The following VTI1A variants were observed in gnomAD, a reference collection of about 807,000 sequenced individuals.
VTI1A encodes the protein vesicle transport through interaction with t-SNAREs 1A.
In VTI1A, 22 loss-of-function variants were observed where a neutral mutation model predicts 34.9. The ratio of observed to expected loss-of-function variants is 0.63; its 90% CI spans 0.45 to 0.90. The LOEUF is 0.90. VTI1A is among the 40% of genes least tolerant of loss of function. The pLI, the probability that VTI1A is intolerant of heterozygous loss-of-function variation, is 0.00. For missense variants in VTI1A, 268 were observed against 275.6 expected, an observed-to-expected ratio of 0.97 and a Z score of 0.20; for synonymous variants, 87 against 97.3, an observed-to-expected ratio of 0.89 and a Z score of 0.62.
At chr10:112,596,018 T>C (rs1844623643) in intron 5 of VTI1A, among the ~76,000 whole-genome samples, 2 of 152,058 alleles carry the variant, frequency 1.3e-5, no homozygotes, top group African/African-American at 4.8e-5. Flanking sequence ...TGTAGGGACA[T>C]GGATGAAATT....
In VTI1A at chr10:112,452,088, C is replaced by T. The variant is rs146605500; in HGVS notation, c.94+4621C>T. Reference sequence around the variant, plus strand: ...ATATTTCTGTTGCTCTAGAGGGTTACAGTTGAAGGGATGGTTCCAGTCCTG... The same window carrying T: ...ATATTTCTGTTGCTCTAGAGGGTTATAGTTGAAGGGATGGTTCCAGTCCTG... On this transcript the variant is annotated intron_variant, in intron 1 of 7. Coordinates refer to ENST00000393077, the MANE Select transcript of VTI1A (RefSeq NM_145206.4). Among the ~76,000 whole-genome samples, 277 of 152,202 alleles carry T rather than the reference C, an allele frequency of 1.8e-3. 2 individuals carry two copies. The highest frequency in any genetic ancestry group is 6.1e-3 in the African/African-American group (252 of 41,514).
chr10:112,573,610 TG>T (rs1224308426), intron 5 of VTI1A, among the ~76,000 whole-genome samples: 1 of 152,238 alleles, frequency 6.6e-6, no homozygotes, highest in Non-Finnish European at 1.5e-5. Context: ...CAAATTTTAT[TG>T]CCAATTCCAC....
intron 5 of VTI1A, among the ~76,000 whole-genome samples, chr10:112,654,413 T>C (rs1162839279): frequency 6.6e-6 from 1 of 152,214 alleles, no homozygotes; most frequent in African/African-American, 2.4e-5. Context: ...ATCTCAAATT[T>C]AGAAATAATA....
At chr10:112,803,477 G>A (rs1004379791) in intron 7 of VTI1A, among the ~76,000 whole-genome samples, 2 of 152,368 alleles carry the variant, frequency 1.3e-5, no homozygotes, top group Admixed American at 1.3e-4. Context: ...GGCAGTGGCC[G>A]CTTGAATGAG....
intron 5 of VTI1A, among the ~76,000 whole-genome samples, chr10:112,605,336 A>G (rs935642723): frequency 2.0e-5 from 3 of 152,202 alleles, no homozygotes; most frequent in African/African-American, 7.2e-5. Context: ...AGAGGGAAAG[A>G]AATTTACAGA....
At chr10:112,834,075 A>G in the VTI1A span, among the ~76,000 whole-genome samples, 8 of 152,178 alleles carry the variant, frequency 5.3e-5, no homozygotes, top group African/African-American at 1.7e-4. Flanking sequence ...CAAGTTGGTC[A>G]TGATAACATT....
At chr10:112,641,119 C>T (rs993276608) in intron 5 of VTI1A, among the ~76,000 whole-genome samples, 2 of 150,802 alleles carry the variant, frequency 1.3e-5, no homozygotes, top group Non-Finnish European at 3.0e-5. Context: ...AGTTGGGGGG[C>T]AGATAGCAAA....
chr10:112,564,505 C>T (rs1336981344), intron 5 of VTI1A, among the ~76,000 whole-genome samples: 1 of 151,494 alleles, frequency 6.6e-6, no homozygotes, highest in African/African-American at 2.4e-5. Context: ...GTCACTGAAA[C>T]AGTTTTTCTG....
chr10:112,670,887 T>C lies in VTI1A; in HGVS notation c.560+1889T>C, dbSNP rs553909352. ...CCAAGGGTATGCTTAAGTCCACCTG[T>C]TCATATGCATGACAATGTTTTTCAC... On this transcript the variant is annotated intron_variant, in intron 7 of 7. Transcript: ENST00000393077. Among the ~76,000 whole-genome samples the C allele has an allele frequency of 2.6e-5, 4 of 152,334 alleles. No individual in the cohort carries two copies. In the South Asian group the frequency reaches 8.3e-4, roughly 32 times the overall value.
intron 3 of VTI1A, among the ~76,000 whole-genome samples, chr10:112,479,782 C>G (rs1848403891): frequency 6.6e-6 from 1 of 152,238 alleles, no homozygotes; most frequent in Non-Finnish European, 1.5e-5. Context: ...CCACTCCCCT[C>G]TGTCTTCGAC....
intron 7 of VTI1A, among the ~76,000 whole-genome samples, chr10:112,669,547 T>TTGA (rs2133837521): frequency 6.6e-6 from 1 of 152,298 alleles, no homozygotes; most frequent in African/African-American, 2.4e-5. Flanking sequence ...TCTACCTTGA[T>TTGA]TGATGGAAAA....
At chr10:112,670,603 T>C (rs1378888270) in intron 7 of VTI1A, among the ~76,000 whole-genome samples, 2 of 152,188 alleles carry the variant, frequency 1.3e-5, no homozygotes, top group Non-Finnish European at 2.9e-5. Context: ...TCATATTGTG[T>C]TTGAATAAAT....
At chr10:112,679,429 T>A (rs1031434675) in intron 7 of VTI1A, among the ~76,000 whole-genome samples, 4 of 152,238 alleles carry the variant, frequency 2.6e-5, no homozygotes, top group African/African-American at 9.6e-5. Context: ...GGTTTTCATT[T>A]TTTATTTAAA....
At chr10:112,843,637 A>C in the VTI1A span, among the ~76,000 whole-genome samples, 3 of 152,218 alleles carry the variant, frequency 2.0e-5, no homozygotes, top group Non-Finnish European at 4.4e-5. Context: ...CCTGGTGCTC[A>C]AGAGGGACCT....
intron 7 of VTI1A, among the ~76,000 whole-genome samples, chr10:112,757,532 G>A (rs944974571): frequency 4.0e-5 from 6 of 148,224 alleles, no homozygotes; most frequent in East Asian, 4.0e-4. Flanking sequence ...ATACAGGCAC[G>A]GGCCACCACG....
the VTI1A span, chr10:112,826,029 G>A: frequency 6.6e-6 from 1 of 152,180 alleles, no homozygotes; most frequent in South Asian, 2.1e-4. Flanking sequence ...GGGGAAGAAA[G>A]CAAAAAGCAT....
At chr10:112,834,795 A>G in the VTI1A span, among the ~76,000 whole-genome samples, 1 of 152,172 alleles carries the variant, frequency 6.6e-6, no homozygotes, top group African/African-American at 2.4e-5. Context: ...CCAGCTCCTG[A>G]AACCGGAAGG....
chr10:112,759,638 C>T (rs149613734), intron 7 of VTI1A, among the ~76,000 whole-genome samples: 45 of 152,294 alleles, frequency 3.0e-4, no homozygotes, highest in African/African-American at 1.1e-3. Context: ...AGGGAATCCT[C>T]CCAGTCAACC....
At chr10:112,464,737 C>T in intron 3 of VTI1A, 80 bp downstream of exon 3, 1 of 1,279,206 alleles carries the variant, frequency 7.8e-7, no homozygotes, top group Middle Eastern at 1.8e-4. Context: ...GCATTAAATG[C>T]ACAGTCTTTT....
Sources: allele counts gnomAD v4.1 joint callset (sites outside exome capture counted in the v4.1 genomes callset), GRCh38; gene constraint gnomAD v4.1.1; transcripts MANE v1.5; gene names NCBI Gene and HGNC (gene_info 2026-07-23, HGNC 2026-07-21).